Variants in UNC50 observed in about 807,000 individuals in gnomAD.
The protein encoded by UNC50 is protein unc-50 homolog.
Under a neutral mutation model 31.5 loss-of-function variants are expected in UNC50, and 24 were observed. The ratio of observed to expected loss-of-function variants is 0.76; its 90% CI spans 0.55 to 1.07. The LOEUF (loss-of-function observed/expected upper bound fraction) is 1.07. Ranked by LOEUF, UNC50 falls within the 50% of genes least tolerant of loss-of-function variation. UNC50 has a pLI of 0.00. For synonymous variants in UNC50, 118 were observed against 114.7 expected, an observed-to-expected ratio of 1.03 and a Z score of -0.18; for missense variants, 245 against 304.2, an observed-to-expected ratio of 0.81 and a Z score of 1.45.
At chr2:98,608,891 A>G (rs1234881974) in intron 1 of UNC50, 165 bp downstream of exon 1, 1 of 249,978 alleles carries the variant, frequency 4.0e-6, no homozygotes, top group Non-Finnish European at 8.0e-6. Context: ...AAGGACGCCC[A>G]GTTACATTTG....
chr2:98,615,684 A>G (rs1165852028), intron 3 of UNC50, among the ~76,000 whole-genome samples: 1 of 152,186 alleles, frequency 6.6e-6, no homozygotes, highest in Admixed American at 6.5e-5. Flanking sequence ...ATCCGCCACC[A>G]GGGAGGCTCT....
intron 5 of UNC50, among the ~76,000 whole-genome samples, chr2:98,616,867 C>T (rs538929731): frequency 1.3e-5 from 2 of 152,332 alleles, no homozygotes; most frequent in African/African-American, 4.8e-5. Context: ...CCATTCACTC[C>T]TCTTCTCCCA....
intron 3 of UNC50, among the ~76,000 whole-genome samples, chr2:98,611,914 C>G (rs985121713): frequency 2.0e-5 from 3 of 150,738 alleles, no homozygotes; most frequent in African/African-American, 4.9e-5. Flanking sequence ...ACTTCTCATG[C>G]CTTCCTACTG....
At chr2:98,613,549 G>A (rs1700873126) in intron 3 of UNC50, among the ~76,000 whole-genome samples, 2 of 152,194 alleles carry the variant, frequency 1.3e-5, no homozygotes, top group African/African-American at 4.8e-5. Context: ...AATGCCAAAT[G>A]CTTATAAAAC....
At chr2:98,611,156 T>G (rs1392711595) in intron 3 of UNC50, among the ~76,000 whole-genome samples, 1 of 152,192 alleles carries the variant, frequency 6.6e-6, no homozygotes, top group Non-Finnish European at 1.5e-5. Context: ...CTGAGATCGG[T>G]CTCAATTTAG....
At chr2:98,616,393 AT>A (rs1700921381) in intron 4 of UNC50, 38 bp from the exon 5 acceptor site, 1 of 1,613,592 alleles carries the variant, frequency 6.2e-7, no homozygotes, top group Non-Finnish European at 8.5e-7. Flanking sequence ...CATTGCATGC[AT>A]TGGTAAAGGG....
intron 3 of UNC50, among the ~76,000 whole-genome samples, chr2:98,613,672 G>C (rs1423898797): frequency 2.0e-5 from 3 of 152,228 alleles, no homozygotes; most frequent in Admixed American, 6.5e-5. Flanking sequence ...TTCAAGATGA[G>C]ATTTTGGGGA....
In UNC50 at chr2:98,610,424, C is replaced by T. The variant is rs553990418; in HGVS notation, c.281-351C>T. ...CTGAGAAACTGAAGTTCTCCAATTC[C>T]ATAATGCAAGGGTCTCATTTACCTG... On this transcript the variant is annotated intron_variant, in intron 2 of 5. Coordinates refer to ENST00000357765, the MANE Select transcript of UNC50 (RefSeq NM_014044.7). Among the ~76,000 whole-genome samples, 9 of 152,324 alleles carry T rather than the reference C, an allele frequency of 5.9e-5. No homozygotes were observed. The South Asian group carries it at 1.9e-3, about 32-fold the overall frequency.
intron 3 of UNC50, among the ~76,000 whole-genome samples, chr2:98,613,248 T>C (rs560893661): frequency 1.3e-5 from 2 of 152,272 alleles, no homozygotes; most frequent in South Asian, 4.1e-4. Flanking sequence ...GAAAAACAAA[T>C]GGTGTGTTTT....
At chr2:98,612,061 T>C (rs747182878) in intron 3 of UNC50, among the ~76,000 whole-genome samples, 10 of 147,574 alleles carry the variant, frequency 6.8e-5, no homozygotes, top group Non-Finnish European at 1.0e-4. Flanking sequence ...AGCAGTGTAC[T>C]GAGGATAAAT....
intron 2 of UNC50, among the ~76,000 whole-genome samples, chr2:98,610,574 G>C (rs1700809835): frequency 1.3e-5 from 2 of 152,202 alleles, no homozygotes; most frequent in African/African-American, 4.8e-5. Flanking sequence ...TGGTGAATCA[G>C]CCTGGCAAGG....
At position 98,612,699 on chromosome 2, in the gene UNC50, G is replaced by A. The variant is rs113810813; in HGVS notation, c.401+1804G>A. Among the ~76,000 whole-genome samples the A allele has an allele frequency of 7.9e-3, 1,210 of 152,254 alleles. 17 individuals carry two copies. The highest frequency in any genetic ancestry group is 0.028 in the African/African-American group (1,153 of 41,554). On this transcript the variant is annotated intron_variant, in intron 3 of 5. Coordinates refer to ENST00000357765, the MANE Select transcript of UNC50 (RefSeq NM_014044.7). Reference sequence around the variant, plus strand: ...GCTGGGATTACAGGCGTGAGCCACCGCGCCCAGCCAATACCACCCTTTTAC... The same window carrying A: ...GCTGGGATTACAGGCGTGAGCCACCACGCCCAGCCAATACCACCCTTTTAC...
At chr2:98,609,483 C>T (rs932832881) in intron 1 of UNC50, 2 of 530,938 alleles carry the variant, frequency 3.8e-6, no homozygotes, top group East Asian at 3.2e-5. Flanking sequence ...GTCACATCAT[C>T]CCTGTCTCTG....
intron 3 of UNC50, 26 bp from the exon 4 acceptor site, chr2:98,616,181 G>T (rs776900954): frequency 6.3e-7 from 1 of 1,591,438 alleles, no homozygotes; most frequent in Admixed American, 1.8e-5. Context: ...ATTTTATTAT[G>T]AAAGAAATTT....
At chr2:98,612,471 G>A (rs1221522513) in intron 3 of UNC50, among the ~76,000 whole-genome samples, 1 of 151,220 alleles carries the variant, frequency 6.6e-6, no homozygotes, top group African/African-American at 2.4e-5. Context: ...GTGCAATGGT[G>A]TGATCTCAGC....
In UNC50 at chr2:98,616,275, T is replaced by C. The variant is rs1018901337; in HGVS notation, c.470T>C (p.Phe157Ser). ...RDYDVEWGYA[F>S]DVHLNAFYPL... is the part of the protein sequence containing the mutation. ...TATGATGTGGAATGGGGCTATGCTT[T>C]TGATGTGCATCTCAATGCTTTTTAT... The change falls in exon 4 of 6, where the codon TTT (phenylalanine) becomes TCT (serine). Residue 157 changes from phenylalanine (F) to serine (S), a missense_variant. Physicochemically the swap from Phe to Ser is radical, Grantham distance 155 (BLOSUM62 -2). Coordinates refer to ENST00000357765, the MANE Select transcript of UNC50 (RefSeq NM_014044.7). The C allele has an allele frequency of 3.7e-6, 6 of 1,614,200 alleles. No homozygotes were observed. Among genetic ancestry groups the C allele is most frequent in the Non-Finnish European group, 5.1e-6 (6 of 1,180,014 alleles).
chr2:98,610,914 G>GT lies in UNC50; in HGVS notation c.401+24dup. The GT allele has an allele frequency of 6.2e-7, 1 of 1,609,770 alleles. No homozygotes were observed. Among genetic ancestry groups the GT allele is most frequent in the Non-Finnish European group, 8.5e-7 (1 of 1,178,330 alleles). On this transcript the variant is annotated intron_variant, in intron 3 of 5. Coordinates refer to ENST00000357765, the MANE Select transcript of UNC50 (RefSeq NM_014044.7). Reference sequence around the variant, plus strand: ...TAATGTGGTAAGTACCATAACTTTGGTTTTTCAGATACTGCTGTAGCATCT... The same window carrying GT: ...TAATGTGGTAAGTACCATAACTTTGGTTTTTTCAGATACTGCTGTAGCATCT...
At position 98,618,347 on chromosome 2, in the gene UNC50, G is replaced by A. The variant is rs748061160; in HGVS notation, c.*43G>A. 3 of 1,514,606 alleles carry A rather than the reference G, an allele frequency of 2.0e-6. No individual in the cohort carries two copies. Among genetic ancestry groups the A allele is most frequent in the Non-Finnish European group, 1.8e-6 (2 of 1,128,830 alleles). The allele number at this position is 1,514,606 out of a possible 1,614,324, so 93.8% of individuals were successfully genotyped here. On this transcript the variant is annotated 3_prime_UTR_variant, in exon 6 of 6. Transcript: ENST00000357765. Reference sequence around the variant, plus strand: ...CAATCGTAACTGTGTCAACAGTATTGTGAAGTGATCATTTCTTGTAAAACT... The same window carrying A: ...CAATCGTAACTGTGTCAACAGTATTATGAAGTGATCATTTCTTGTAAAACT...
At chr2:98,614,652 G>A (rs897615494) in intron 3 of UNC50, among the ~76,000 whole-genome samples, 21 of 152,294 alleles carry the variant, frequency 1.4e-4, no homozygotes, top group South Asian at 6.2e-4. Flanking sequence ...CTTGAAAAGC[G>A]CCCATTTGGG....
Sources: gnomAD v4.1 joint callset for allele counts (sites outside exome capture counted in the v4.1 genomes callset) on GRCh38, gnomAD v4.1.1 for gene constraint, MANE v1.5 for transcripts, NCBI Gene and HGNC (gene_info 2026-07-23, HGNC 2026-07-21) for gene names.